Variants in CEP89 observed in about 807,000 individuals in gnomAD.
The protein encoded by CEP89 is centrosomal protein 89.
A neutral mutation model predicts 97.6 loss-of-function variants in CEP89; 95 were observed. The ratio of observed to expected loss-of-function variants is 0.97; its 90% CI spans 0.82 to 1.15. The LOEUF (loss-of-function observed/expected upper bound fraction) is 1.15, where lower values mean the gene tolerates loss of function less well. Among genes scored for constraint, CEP89 ranks in the 50% most tolerant of loss-of-function variants. The pLI is 0.00. For missense variants in CEP89, 869 were observed against 947.7 expected, an observed-to-expected ratio of 0.92 and a Z score of 1.09; for synonymous variants, 354 against 349.1, an observed-to-expected ratio of 1.01 and a Z score of -0.16.
chr19:32,966,574 A>T, intron 1 of CEP89, 108 bp from the exon 2 acceptor site: 2 of 519,334 alleles, frequency 3.9e-6, no homozygotes, highest in Non-Finnish European at 6.4e-6. Context: ...CTGGCCACCC[A>T]TGGATCCAAA....
chr19:32,910,437 G>A (rs1432904824), intron 14 of CEP89, among the ~76,000 whole-genome samples: 3 of 152,078 alleles, frequency 2.0e-5, no homozygotes, highest in Non-Finnish European at 4.4e-5. Context: ...TGAGGGCCTA[G>A]GACATTACTG....
rs1231497884 is a variant in CEP89, at chr19:32,882,028, G to A, written c.1966-15C>T. On this transcript the variant is annotated splice_polypyrimidine_tract_variant and intron_variant, in intron 17 of 18. Transcript: ENST00000305768. ...TTCTTGTAGCCCTGGTCGGGGGAAG[G>A]ACTCTGTGAATGAGGGGACGCTGCC... The A allele has an allele frequency of 1.3e-6, 2 of 1,553,964 alleles. No individual in the cohort carries two copies. Among genetic ancestry groups the A allele is most frequent in the Admixed American group, 1.9e-5 (1 of 51,526 alleles).
At chr19:32,930,680 G>A (rs929864141) in intron 9 of CEP89, among the ~76,000 whole-genome samples, 2 of 152,014 alleles carry the variant, frequency 1.3e-5, no homozygotes, top group Non-Finnish European at 2.9e-5. Context: ...GTAAGGACCT[G>A]AGCATCGGTT....
At chr19:32,962,893 A>G (rs1971199251) in intron 2 of CEP89, among the ~76,000 whole-genome samples, 1 of 152,148 alleles carries the variant, frequency 6.6e-6, no homozygotes, top group Admixed American at 6.6e-5. Context: ...CCTGAGTCCA[A>G]CGGCCTTCCC....
intron 8 of CEP89, among the ~76,000 whole-genome samples, chr19:32,932,508 T>C (rs1159552934): frequency 6.6e-6 from 1 of 151,980 alleles, no homozygotes; most frequent in African/African-American, 2.4e-5. Context: ...GTGTAAGTCA[T>C]AAAAGAAAAA....
intron 12 of CEP89, among the ~76,000 whole-genome samples, chr19:32,923,223 G>A (rs949660383): frequency 1.3e-5 from 2 of 152,112 alleles, no homozygotes; most frequent in African/African-American, 4.8e-5. Flanking sequence ...CTGTATTTCA[G>A]GTTTGAGAAC....
At chr19:32,969,455 AC>A (rs1298776732) in intron 1 of CEP89, 2 of 151,344 alleles carry the variant, frequency 1.3e-5, no homozygotes, top group African/African-American at 4.9e-5. Context: ...TGGGGACCCC[AC>A]CCCCTTCCTC....
At chr19:32,917,663 C>T in intron 13 of CEP89, 1 of 265,124 alleles carries the variant, frequency 3.8e-6, no homozygotes, top group South Asian at 1.4e-4. Flanking sequence ...GACTCTTAAC[C>T]TGGCCCCCTT....
chr19:32,950,191 C>T (rs927330236), intron 4 of CEP89, among the ~76,000 whole-genome samples: 4 of 151,984 alleles, frequency 2.6e-5, no homozygotes, highest in Non-Finnish European at 5.9e-5. Context: ...AACAAACTTC[C>T]TTGTTCAACC....
Position 32,927,165 on chromosome 19 carries a change from TATCC to T in CEP89, c.1030-185_1030-182del, listed in dbSNP as rs1005097916. 7.2e-3 allele frequency among the ~76,000 whole-genome samples: 835 copies of T among 115,496 alleles called. 7 individuals carry two copies. The highest frequency in any genetic ancestry group is 0.022 in the African/African-American group (672 of 29,906). The allele number at this position is 115,496 out of a possible 152,430, so 75.8% of individuals were successfully genotyped here. On this transcript the variant is annotated intron_variant, in intron 9 of 18. Transcript: ENST00000305768. ...CCATCCATCCATCCATCCATCCATC[TATCC>T]ATCCATCCATCCATCCATCCACTTT...
At chr19:32,882,093 C>G (rs1969296467) in intron 17 of CEP89, 80 bp from the exon 18 acceptor site, 1 of 1,231,146 alleles carries the variant, frequency 8.1e-7, no homozygotes, top group African/African-American at 1.5e-5. Context: ...TGCTCCCTAC[C>G]CACTCCTTGT....
At chr19:32,915,618 T>C in intron 13 of CEP89, 101 bp from the exon 14 acceptor site, 3 of 1,108,118 alleles carry the variant, frequency 2.7e-6, no homozygotes, top group South Asian at 1.4e-5. Flanking sequence ...CTGATAAAAA[T>C]GACCTTTTAA....
intron 17 of CEP89, among the ~76,000 whole-genome samples, chr19:32,883,142 G>A (rs970205317): frequency 4.0e-5 from 6 of 151,740 alleles, no homozygotes; most frequent in Non-Finnish European, 7.4e-5. Context: ...GATTACAGGC[G>A]TGAGACACCG....
chr19:32,913,314 TTGTTGTTG>T (rs1568556781), intron 14 of CEP89, among the ~76,000 whole-genome samples: 3 of 1,764 alleles, frequency 1.7e-3, no homozygotes, highest in African/African-American at 5.4e-3. Flanking sequence ...TATTTTTTTG[TTGTTGTTG>T]TTGTTGTTGT....
intron 14 of CEP89, among the ~76,000 whole-genome samples, chr19:32,902,476 C>G (rs1969801559): frequency 6.6e-6 from 1 of 152,220 alleles, no homozygotes; most frequent in Non-Finnish European, 1.5e-5. Flanking sequence ...ACCAAGACTT[C>G]TGCTTTCAGC....
intron 3 of CEP89, 85 bp downstream of exon 3, chr19:32,959,797 ACATGCACACACATGTACG>A: frequency 8.1e-7 from 1 of 1,234,432 alleles, no homozygotes; most frequent in Non-Finnish European, 1.1e-6. Context: ...ACACAGGTAC[ACATGCACACACATGTACG>A]CATGCACACA....
chr19:32,886,177 C>T (rs1969391052), intron 17 of CEP89, among the ~76,000 whole-genome samples: 1 of 152,220 alleles, frequency 6.6e-6, no homozygotes, highest in Non-Finnish European at 1.5e-5. Context: ...TTTTGATCTC[C>T]TTTGCGGCAA....
At chr19:32,927,075 C>T (rs1970373422) in intron 9 of CEP89, 91 bp from the exon 10 acceptor site, 1 of 1,144,470 alleles carries the variant, frequency 8.7e-7, no homozygotes, top group Admixed American at 1.9e-5. Context: ...CTGGGCATTG[C>T]CCATCTATGC....
At position 32,921,421 on chromosome 19, in the gene CEP89, C is replaced by T. The variant is rs557092770; in HGVS notation, c.1268+2018G>A. Among the ~76,000 whole-genome samples the T allele has an allele frequency of 5.9e-5, 9 of 152,252 alleles. No individual in the cohort carries two copies. In the East Asian group the frequency reaches 7.7e-4, roughly 13 times the overall value. ...CAGTGAATTCAAAGTAAGAGGCTGGCGGCCAGGGAGGCCCTGAGCAAGCCT... is the reference window on the plus strand; with the variant it reads ...CAGTGAATTCAAAGTAAGAGGCTGGTGGCCAGGGAGGCCCTGAGCAAGCCT... On this transcript the variant is annotated intron_variant, in intron 12 of 18. Coordinates refer to ENST00000305768, the MANE Select transcript of CEP89 (RefSeq NM_032816.5).
Sources: gnomAD v4.1 joint callset for allele counts (sites outside exome capture counted in the v4.1 genomes callset) on GRCh38, gnomAD v4.1.1 for gene constraint, MANE v1.5 for transcripts, NCBI Gene and HGNC (gene_info 2026-07-23, HGNC 2026-07-21) for gene names.